DCC: variants seen among roughly 807,000 people sequenced by gnomAD.
DCC encodes netrin receptor DCC.
DCC carries 58 observed loss-of-function variants against 172.5 expected under a neutral mutation model. The ratio of observed to expected loss-of-function variants is 0.34; its 90% CI spans 0.27 to 0.42. The LOEUF is 0.42. Among genes scored for constraint, DCC ranks in the 10% least tolerant of loss-of-function variants. The pLI, the probability that DCC is intolerant of heterozygous loss-of-function variation, is 1.00. For missense variants in DCC, 1,740 were observed against 1,791.0 expected, an observed-to-expected ratio of 0.97 and a Z score of 0.51; for synonymous variants, 709 against 644.5, an observed-to-expected ratio of 1.10 and a Z score of -1.52.
intron 5 of DCC, among the ~76,000 whole-genome samples, chr18:52,964,752 G>A (rs2040901564): frequency 6.6e-6 from 1 of 152,084 alleles, no homozygotes; most frequent in Non-Finnish European, 1.5e-5. Context: ...TGAAAACAAT[G>A]TAAATATATT....
At chr18:53,085,606 G>T (rs1367384311) in intron 7 of DCC, among the ~76,000 whole-genome samples, 1 of 151,980 alleles carries the variant, frequency 6.6e-6, no homozygotes, top group Non-Finnish European at 1.5e-5. Context: ...ATCAAAGGGA[G>T]AAGCCATTAA....
chr18:52,806,455 C>T (rs1395366359), intron 2 of DCC, among the ~76,000 whole-genome samples: 3 of 152,142 alleles, frequency 2.0e-5, no homozygotes, highest in Non-Finnish European at 2.9e-5. Flanking sequence ...AGGGTCTTTA[C>T]CTTTTTAGTG....
At chr18:52,686,127 G>C (rs754023636) in intron 1 of DCC, among the ~76,000 whole-genome samples, 1 of 152,072 alleles carries the variant, frequency 6.6e-6, no homozygotes, top group Admixed American at 6.6e-5. Flanking sequence ...TACTTCTGAG[G>C]CTTCCTCTGG....
At position 53,440,589 on chromosome 18, in the gene DCC, C is replaced by T. The variant is rs117181702; in HGVS notation, c.3229+5380C>T. Among the ~76,000 whole-genome samples, 92 of 151,796 alleles carry T rather than the reference C, an allele frequency of 6.1e-4. No homozygotes were observed. In the East Asian group the frequency reaches 0.016, roughly 26 times the overall value. On this transcript the variant is annotated intron_variant, in intron 22 of 28. Transcript: ENST00000442544. ...TCCACACTTCTATAAAATGATCATT[C>T]CAAGGTTGGTAACTATTAGAAGACA...
intron 12 of DCC, among the ~76,000 whole-genome samples, chr18:53,283,502 A>G (rs1001068321): frequency 2.0e-5 from 3 of 152,136 alleles, no homozygotes; most frequent in African/African-American, 4.8e-5. Context: ...TAATATTTCA[A>G]TGTAATTTGG....
chr18:53,163,030 A>G (rs1247055938), intron 8 of DCC, among the ~76,000 whole-genome samples: 3 of 152,118 alleles, frequency 2.0e-5, no homozygotes, highest in Admixed American at 2.0e-4. Flanking sequence ...GAATTCATCA[A>G]TTTCACCTTT....
At chr18:53,115,019 G>C (rs1348834982) in intron 7 of DCC, among the ~76,000 whole-genome samples, 3 of 151,442 alleles carry the variant, frequency 2.0e-5, no homozygotes, top group Non-Finnish European at 4.4e-5. Context: ...GAACTCTTAA[G>C]GTTTTTCCCT....
intron 1 of DCC, among the ~76,000 whole-genome samples, chr18:52,714,643 C>T (rs1471859643): frequency 6.6e-6 from 1 of 152,110 alleles, no homozygotes; most frequent in African/African-American, 2.4e-5. Context: ...TATTTATAGG[C>T]ACACTCATCC....
At chr18:53,231,390 GATAAA>G (rs1205838313) in intron 12 of DCC, among the ~76,000 whole-genome samples, 1 of 151,980 alleles carries the variant, frequency 6.6e-6, no homozygotes, top group Non-Finnish European at 1.5e-5. Context: ...ATAAGCAAAT[GATAAA>G]ATAAATTTAT....
At chr18:52,396,007 C>T (rs72916995) in intron 1 of DCC, among the ~76,000 whole-genome samples, 2 of 151,846 alleles carry the variant, frequency 1.3e-5, no homozygotes, top group Non-Finnish European at 2.9e-5. Context: ...ACCCTCCCTG[C>T]TGAGTTCTAG....
intron 2 of DCC, among the ~76,000 whole-genome samples, chr18:52,797,341 A>G (rs2037895716): frequency 6.6e-6 from 1 of 152,088 alleles, no homozygotes; most frequent in Admixed American, 6.6e-5. Flanking sequence ...TTGTGTCCTT[A>G]TGTTAATATC....
At chr18:52,932,512 G>T (rs190417962) in intron 5 of DCC, among the ~76,000 whole-genome samples, 1 of 152,100 alleles carries the variant, frequency 6.6e-6, no homozygotes, top group African/African-American at 2.4e-5. Flanking sequence ...ACTGAGGATG[G>T]TCTCTTCAGT....
At chr18:53,093,658 A>G (rs1243553906) in intron 7 of DCC, among the ~76,000 whole-genome samples, 2 of 152,214 alleles carry the variant, frequency 1.3e-5, no homozygotes, top group African/African-American at 4.8e-5. Flanking sequence ...TCTTCTCATC[A>G]ATAGTGAAGC....
chr18:52,767,734 A>C (rs12454726), intron 2 of DCC, among the ~76,000 whole-genome samples: 96,300 of 152,094 alleles, frequency 0.63, 32,816 homozygotes, highest in East Asian at 0.87. Flanking sequence ...CACTTTAAAA[A>C]AGGGCTTTTT....
chr18:52,435,932 A>C (rs117432348), intron 1 of DCC, among the ~76,000 whole-genome samples: 5,192 of 152,312 alleles, frequency 0.034, 119 homozygotes, highest in Non-Finnish European at 0.051. Flanking sequence ...TGAACCAAAC[A>C]GGCCTTCTAA....
intron 7 of DCC, among the ~76,000 whole-genome samples, chr18:53,120,700 T>A (rs2043471229): frequency 6.6e-6 from 1 of 151,910 alleles, no homozygotes; most frequent in South Asian, 2.1e-4. Flanking sequence ...AAATGCTGTC[T>A]GATAATTATA....
At chr18:52,391,140 C>G (rs573481192) in intron 1 of DCC, among the ~76,000 whole-genome samples, 2 of 152,020 alleles carry the variant, frequency 1.3e-5, no homozygotes, top group Admixed American at 6.6e-5. Context: ...GATGAAGGAA[C>G]AGAAACTTGG....
At chr18:53,113,141 A>T (rs2043358289) in intron 7 of DCC, among the ~76,000 whole-genome samples, 1 of 151,512 alleles carries the variant, frequency 6.6e-6, no homozygotes, top group Non-Finnish European at 1.5e-5. Flanking sequence ...TAACACATCC[A>T]TGAATGCTTA....
At chr18:52,837,189 C>T (rs1013349225) in intron 2 of DCC, among the ~76,000 whole-genome samples, 10 of 152,286 alleles carry the variant, frequency 6.6e-5, no homozygotes, top group Non-Finnish European at 1.3e-4. Flanking sequence ...CCTAGGCCTC[C>T]AAGCCTGTGA....
Sources: allele counts gnomAD v4.1 joint callset (sites outside exome capture counted in the v4.1 genomes callset), GRCh38; gene constraint gnomAD v4.1.1; transcripts MANE v1.5; gene names NCBI Gene and HGNC (gene_info 2026-07-23, HGNC 2026-07-21).